GPC5: variants seen among roughly 807,000 people sequenced by gnomAD.
GPC5 encodes glypican 5.
Under a neutral mutation model 53.9 loss-of-function variants are expected in GPC5, and 47 were observed. The observed-to-expected ratio is 0.87, with a 90% CI of 0.69 to 1.11. The LOEUF (loss-of-function observed/expected upper bound fraction) is 1.11, where lower values mean the gene tolerates loss of function less well. Ranked by LOEUF, GPC5 falls within the 50% of genes most tolerant of loss-of-function variation. The pLI, the probability that GPC5 is intolerant of heterozygous loss-of-function variation, is 0.00. For synonymous variants in GPC5, 286 were observed against 263.3 expected, an observed-to-expected ratio of 1.09 and a Z score of -0.84; for missense variants, 748 against 713.1, an observed-to-expected ratio of 1.05 and a Z score of -0.56.
At chr13:92,663,576 AATATATAT>A (rs371066796) in intron 7 of GPC5, among the ~76,000 whole-genome samples, 1 of 134,330 alleles carries the variant, frequency 7.4e-6, no homozygotes, top group Non-Finnish European at 1.6e-5. Flanking sequence ...GTTTCTACTA[AATATATAT>A]ATATATATAT....
At chr13:92,084,654 C>T (rs2041322101) in intron 6 of GPC5, among the ~76,000 whole-genome samples, 1 of 152,146 alleles carries the variant, frequency 6.6e-6, no homozygotes, top group Admixed American at 6.5e-5. Flanking sequence ...TCTGTAAATG[C>T]AGACAACATT....
chr13:92,049,329 C>A (rs1009568555), intron 6 of GPC5, among the ~76,000 whole-genome samples: 14 of 152,046 alleles, frequency 9.2e-5, no homozygotes, highest in African/African-American at 3.1e-4. Context: ...CACTATCTGA[C>A]CTTATATAGT....
intron 1 of GPC5, 113 bp downstream of exon 1, chr13:91,399,322 C>T (rs1876740778): frequency 7.7e-7 from 1 of 1,295,286 alleles, no homozygotes; most frequent in South Asian, 1.5e-5. Flanking sequence ...CCTGCAGCCG[C>T]GCAGGGTGAA....
intron 7 of GPC5, among the ~76,000 whole-genome samples, chr13:92,457,436 A>C (rs1329395722): frequency 2.0e-5 from 3 of 152,022 alleles, no homozygotes; most frequent in Non-Finnish European, 2.9e-5. Flanking sequence ...AGTTGTGAGA[A>C]TCAAAAACAT....
intron 5 of GPC5, among the ~76,000 whole-genome samples, chr13:91,775,044 A>C (rs895694090): frequency 4.4e-4 from 67 of 152,280 alleles, no homozygotes; most frequent in Non-Finnish European, 9.0e-4. Context: ...CATACAGAGA[A>C]AACACCAGCG....
At chr13:92,173,917 C>A (rs2042088482) in intron 7 of GPC5, among the ~76,000 whole-genome samples, 1 of 151,726 alleles carries the variant, frequency 6.6e-6, no homozygotes, top group African/African-American at 2.4e-5. Context: ...CAAGCCTGGC[C>A]AACGTGGTGA....
intron 7 of GPC5, among the ~76,000 whole-genome samples, chr13:92,774,812 G>T (rs1400993297): frequency 6.6e-6 from 1 of 152,122 alleles, no homozygotes; most frequent in Non-Finnish European, 1.5e-5. Context: ...TGGGCATGAA[G>T]AAAATCATTT....
In GPC5 at chr13:91,429,842, G is replaced by T. The variant is rs562759004; in HGVS notation, c.164-18919G>T. On this transcript the variant is annotated intron_variant, in intron 1 of 7. Coordinates refer to ENST00000377067, the MANE Select transcript of GPC5 (RefSeq NM_004466.6). Reference sequence around the variant, plus strand: ...AGCAGTTTGCCTTCTCCTCTTCCATGGTTATGATGGAAGTATCCGTAGACC... The same window carrying T: ...AGCAGTTTGCCTTCTCCTCTTCCATTGTTATGATGGAAGTATCCGTAGACC... Among the ~76,000 whole-genome samples, 8 of 152,266 alleles carry T rather than the reference G, an allele frequency of 5.3e-5. No individual in the cohort carries two copies. In the East Asian group the frequency reaches 1.4e-3, roughly 26 times the overall value.
rs184898814 is a variant in GPC5, at chr13:91,516,632, G to A, written c.325+67710G>A. On this transcript the variant is annotated intron_variant, in intron 2 of 7. Transcript: ENST00000377067. Reference sequence around the variant, plus strand: ...TCTACCATTCTGGGGTCTGGAAGACGGTGGCCCTCTTTTCAGAGCTACACT... The same window carrying A: ...TCTACCATTCTGGGGTCTGGAAGACAGTGGCCCTCTTTTCAGAGCTACACT... 1.6e-3 allele frequency among the ~76,000 whole-genome samples: 251 copies of A among 152,252 alleles called. 1 individual carries two copies. The highest frequency in any genetic ancestry group is 3.4e-3 in the Middle Eastern group (1 of 294).
rs138668568 is a variant in GPC5, at chr13:92,517,046, C to T, written c.1562-349236C>T. On this transcript the variant is annotated intron_variant, in intron 7 of 7. Transcript: ENST00000377067. Reference sequence around the variant, plus strand: ...AGGAGGTTATATCCCGCGCCTGTCTCGGAGGGTCCCACACCCACGGAGCCT... The same window carrying T: ...AGGAGGTTATATCCCGCGCCTGTCTTGGAGGGTCCCACACCCACGGAGCCT... 2.0e-3 allele frequency among the ~76,000 whole-genome samples: 309 copies of T among 152,216 alleles called. 1 individual carries two copies. The highest frequency in any genetic ancestry group is 7.2e-3 in the African/African-American group (298 of 41,554).
intron 7 of GPC5, among the ~76,000 whole-genome samples, chr13:92,187,126 A>T (rs1593974826): frequency 6.7e-6 from 1 of 149,168 alleles, no homozygotes. Flanking sequence ...AAAAAAAAAA[A>T]TTACTTCTGA....
intron 6 of GPC5, among the ~76,000 whole-genome samples, chr13:91,993,366 T>C (rs2138738979): frequency 6.6e-6 from 1 of 152,330 alleles, no homozygotes; most frequent in South Asian, 2.1e-4. Context: ...ACCTTTTTTT[T>C]TTCCTCCAGA....
chr13:91,680,188 C>A (rs367687321), intron 2 of GPC5, among the ~76,000 whole-genome samples: 1 of 152,166 alleles, frequency 6.6e-6, no homozygotes, highest in Non-Finnish European at 1.5e-5. Context: ...CAGTGGCTCA[C>A]ACCTGTTATC....
chr13:92,057,057 C>T (rs1165559147), intron 6 of GPC5, among the ~76,000 whole-genome samples: 4 of 152,142 alleles, frequency 2.6e-5, no homozygotes, highest in Non-Finnish European at 5.9e-5. Flanking sequence ...TGCCCCTTCC[C>T]TGGAATCTGG....
At chr13:91,476,373 C>CG (rs1311223487) in intron 2 of GPC5, among the ~76,000 whole-genome samples, 1 of 152,186 alleles carries the variant, frequency 6.6e-6, no homozygotes, top group Non-Finnish European at 1.5e-5. Flanking sequence ...AAGGCTACTT[C>CG]ACCCAGTGTT....
At chr13:92,202,506 G>A (rs1156947602) in intron 7 of GPC5, among the ~76,000 whole-genome samples, 1 of 152,172 alleles carries the variant, frequency 6.6e-6, no homozygotes, top group African/African-American at 2.4e-5. Flanking sequence ...TTGATGTAGT[G>A]TTTTTAGACC....
chr13:92,468,646 C>T (rs867576024), intron 7 of GPC5, among the ~76,000 whole-genome samples: 12 of 152,198 alleles, frequency 7.9e-5, no homozygotes, highest in Middle Eastern at 3.4e-3. Flanking sequence ...TTTTATATCA[C>T]GTTTTTGCAT....
chr13:91,715,409 A>G (rs1264014686), intron 3 of GPC5, among the ~76,000 whole-genome samples: 12 of 152,252 alleles, frequency 7.9e-5, no homozygotes, highest in African/African-American at 2.7e-4. Flanking sequence ...TGCTGGATAT[A>G]TTCTTGAAAT....
chr13:92,561,115 C>CA (rs1376859485), intron 7 of GPC5, among the ~76,000 whole-genome samples: 1 of 151,864 alleles, frequency 6.6e-6, no homozygotes, highest in Non-Finnish European at 1.5e-5. Flanking sequence ...TGGGAGTAGC[C>CA]ATAGTAAAAT....
Sources: gnomAD v4.1 joint callset for allele counts (sites outside exome capture counted in the v4.1 genomes callset) on GRCh38, gnomAD v4.1.1 for gene constraint, MANE v1.5 for transcripts, NCBI Gene and HGNC (gene_info 2026-07-23, HGNC 2026-07-21) for gene names.